PRR33: variants seen among roughly 807,000 people sequenced by gnomAD.
The protein encoded by PRR33 is proline rich 33.
A neutral mutation model predicts 0.5 loss-of-function variants in PRR33; 1 was observed. The ratio of observed to expected loss-of-function variants is 2.18; its 90% confidence interval spans 0.77 to 10.34. The LOEUF (loss-of-function observed/expected upper bound fraction) is 10.34. PRR33 is among the 30% of genes most tolerant of loss of function. PRR33 has a pLI of 0.13. For synonymous variants in PRR33, 226 were observed against 110.0 expected (o/e 2.06, Z -6.60); for missense variants, 552 against 251.8 (o/e 2.19, Z -8.07).
chr11:1,913,169 C>T, the PRR33 span, among the ~76,000 whole-genome samples: 2 of 151,962 alleles, frequency 1.3e-5, no homozygotes, highest in African/African-American at 2.4e-5. Flanking sequence ...CTCGCTCTGT[C>T]GCCCAGGCTG....
upstream of PRR33, among the ~76,000 whole-genome samples, chr11:1,892,804 G>A (rs1849054915): frequency 6.6e-6 from 1 of 150,908 alleles, no homozygotes; most frequent in African/African-American, 2.4e-5. Context: ...GGATGGGTAG[G>A]TGGGTGGACG....
upstream of PRR33, among the ~76,000 whole-genome samples, chr11:1,893,577 A>T (rs1340596555): frequency 2.1e-4 from 20 of 95,934 alleles, no homozygotes; most frequent in African/African-American, 8.6e-4. Context: ...AGAGGGAGAG[A>T]GGGGGGATGG....
At chr11:1,908,631 G>A in the PRR33 span, among the ~76,000 whole-genome samples, 2 of 152,162 alleles carry the variant, frequency 1.3e-5, no homozygotes, top group South Asian at 2.1e-4. Flanking sequence ...TTTAAAAACT[G>A]ATTTAAAATA....
the PRR33 span, among the ~76,000 whole-genome samples, chr11:1,905,596 G>A: frequency 2.0e-5 from 3 of 151,630 alleles, no homozygotes; most frequent in African/African-American, 7.3e-5. Context: ...GTGCCACCAC[G>A]CCTGGCTAAT....
chr11:1,909,623 A>AACAAAT, the PRR33 span, among the ~76,000 whole-genome samples: 1 of 151,884 alleles, frequency 6.6e-6, no homozygotes, highest in South Asian at 2.1e-4. Context: ...CAAAAACAAA[A>AACAAAT]ACAAAAGTTA....
chr11:1,905,690 G>A, the PRR33 span, among the ~76,000 whole-genome samples: 1 of 151,654 alleles, frequency 6.6e-6, no homozygotes, highest in Non-Finnish European at 1.5e-5. Context: ...GTGGGCTCAA[G>A]CAATCCTACC....
chr11:1,904,462 G>A, the PRR33 span, among the ~76,000 whole-genome samples: 44 of 152,072 alleles, frequency 2.9e-4, no homozygotes, highest in South Asian at 8.5e-3. Flanking sequence ...CTGGTAGGCG[G>A]AGGTTGCAGT....
chr11:1,910,825 G>T, the PRR33 span, among the ~76,000 whole-genome samples: 1 of 152,074 alleles, frequency 6.6e-6, no homozygotes, highest in Admixed American at 6.5e-5. Context: ...TTTTAATTTG[G>T]TTTCCCCTTT....
chr11:1,894,224 A>AGAGT (rs141842016), upstream of PRR33, among the ~76,000 whole-genome samples: 25 of 127,732 alleles, frequency 2.0e-4, no homozygotes, highest in African/African-American at 7.6e-4. Flanking sequence ...GGAGTGTGGG[A>AGAGT]GTGTGTGTGT....
upstream of PRR33, among the ~76,000 whole-genome samples, chr11:1,896,217 C>A (rs1849122983): frequency 6.6e-6 from 1 of 152,156 alleles, no homozygotes; most frequent in Non-Finnish European, 1.5e-5. Flanking sequence ...TTAGAATGGA[C>A]CTGTGAATTT....
chr11:1,897,679 C>T, the PRR33 span, among the ~76,000 whole-genome samples: 1 of 152,186 alleles, frequency 6.6e-6, no homozygotes. This position sits in a 1 kb window ranked among gnomAD's most constrained non-coding sequence, Gnocchi z 4.0. Context: ...GCCTTGGCAC[C>T]ACCCTCAGTC....
At chr11:1,888,013 C>T (rs1024882718), downstream of PRR33, among the ~76,000 whole-genome samples, 5 of 152,146 alleles carry the variant, frequency 3.3e-5, no homozygotes, top group East Asian at 3.9e-4. Flanking sequence ...CTGTCCCAGC[C>T]GAGAGCGATT....
At chr11:1,906,064 G>C in the PRR33 span, among the ~76,000 whole-genome samples, 1 of 151,052 alleles carries the variant, frequency 6.6e-6, no homozygotes, top group Admixed American at 6.6e-5. Flanking sequence ...GGACTCAAGG[G>C]ATCCTCCTCT....
the PRR33 span, among the ~76,000 whole-genome samples, chr11:1,911,582 T>C: frequency 6.6e-6 from 1 of 152,004 alleles, no homozygotes; most frequent in Admixed American, 6.6e-5. Context: ...CACGCCTGGC[T>C]AATTTTTTTT....
the PRR33 span, among the ~76,000 whole-genome samples, chr11:1,902,037 C>G: frequency 2.6e-5 from 4 of 151,990 alleles, no homozygotes; most frequent in Non-Finnish European, 5.9e-5. Flanking sequence ...TCGAGACCAT[C>G]CTGGCTAACA....
At chr11:1,888,042 CCCCAT>C (rs1033901932), downstream of PRR33, among the ~76,000 whole-genome samples, 16 of 152,294 alleles carry the variant, frequency 1.1e-4, no homozygotes, top group Admixed American at 9.1e-4. Flanking sequence ...CTGATGCCCT[CCCCAT>C]CCCATGCTGC....
At chr11:1,890,770 T>A (rs1266470561) in exon 1 of PRR33, 7 of 597,386 alleles carry the variant, frequency 1.2e-5, no homozygotes, top group Non-Finnish European at 2.1e-5. Flanking sequence ...CTTGGGGACT[T>A]TGGGGTGGCC....
At chr11:1,906,966 C>T in the PRR33 span, among the ~76,000 whole-genome samples, 2 of 152,342 alleles carry the variant, frequency 1.3e-5, no homozygotes, top group Admixed American at 6.5e-5. Context: ...TGGGCTCCAC[C>T]TCAACTCCCG....
chr11:1,907,633 C>T, the PRR33 span, among the ~76,000 whole-genome samples: 2 of 152,174 alleles, frequency 1.3e-5, no homozygotes, highest in East Asian at 1.9e-4. Context: ...AGGCACGTCT[C>T]GAACTCCTAA....
Sources: gnomAD v4.1 joint callset for allele counts (sites outside exome capture counted in the v4.1 genomes callset) on GRCh38, gnomAD v4.1.1 for gene constraint, Gnocchi (gnomAD v3.1) non-coding constraint, MANE v1.5 for transcripts, NCBI Gene and HGNC (gene_info 2026-07-23, HGNC 2026-07-21) for gene names.